Variants in KCNQ3 observed in about 807,000 individuals in gnomAD.
KCNQ3 encodes potassium voltage-gated channel subfamily Q member 3, also known as potassium voltage-gated channel subfamily KQT member 3.
KCNQ3 carries 30 observed loss-of-function variants against 92.5 expected under a neutral mutation model. The observed-to-expected ratio is 0.32, with a 90% CI of 0.24 to 0.44. The LOEUF is 0.44. Among genes scored for constraint, KCNQ3 ranks in the 20% least tolerant of loss-of-function variants. The pLI, the probability that KCNQ3 is intolerant of heterozygous loss-of-function variation, is 1.00. For synonymous variants in KCNQ3, 450 were observed against 468.8 expected, an observed-to-expected ratio of 0.96 and a Z score of 0.52; for missense variants, 913 against 1,140.3, an observed-to-expected ratio of 0.80 and a Z score of 2.87.
intron 1 of KCNQ3, among the ~76,000 whole-genome samples, chr8:132,304,747 G>A (rs6471059): frequency 0.77 from 117,363 of 151,640 alleles, 45,863 homozygotes; most frequent in East Asian, 0.89. Context: ...ACTTTTGGCT[G>A]TAAAAGTCAC....
chr8:132,270,890 T>A (rs1217010148), intron 1 of KCNQ3, among the ~76,000 whole-genome samples: 3 of 152,378 alleles, frequency 2.0e-5, no homozygotes, highest in African/African-American at 7.2e-5. Context: ...CAGGGATGTT[T>A]ACTTTAACAA....
intron 1 of KCNQ3, among the ~76,000 whole-genome samples, chr8:132,281,812 T>G (rs1195983515): frequency 6.6e-6 from 1 of 152,174 alleles, no homozygotes; most frequent in Non-Finnish European, 1.5e-5. Flanking sequence ...TTTCACTGCC[T>G]ACGGGGTGGA....
chr8:132,185,985 C>A (rs752275782), intron 2 of KCNQ3, 106 bp downstream of exon 2: 2 of 832,848 alleles, frequency 2.4e-6, no homozygotes, highest in Non-Finnish European at 4.2e-6. Flanking sequence ...TGACTGGAGA[C>A]TACAAGAAGC....
intron 1 of KCNQ3, among the ~76,000 whole-genome samples, chr8:132,362,258 T>C (rs1819193430): frequency 1.3e-5 from 2 of 152,214 alleles, no homozygotes; most frequent in South Asian, 4.1e-4. Flanking sequence ...GTAACCTTTC[T>C]ACATCTTAGT....
intron 1 of KCNQ3, among the ~76,000 whole-genome samples, chr8:132,187,753 G>GTGA (rs1441687969): frequency 6.7e-6 from 1 of 149,178 alleles, no homozygotes; most frequent in Non-Finnish European, 1.5e-5. Flanking sequence ...GGTGGTGGTG[G>GTGA]TAGTGATGAT....
chr8:132,284,157 C>A (rs1421543016), intron 1 of KCNQ3, among the ~76,000 whole-genome samples: 1 of 152,148 alleles, frequency 6.6e-6, no homozygotes, highest in East Asian at 1.9e-4. Context: ...ACATTGTGCA[C>A]ATGTGCCCTA....
chr8:132,213,815 G>A (rs1228921080), intron 1 of KCNQ3, among the ~76,000 whole-genome samples: 1 of 152,160 alleles, frequency 6.6e-6, no homozygotes, highest in Non-Finnish European at 1.5e-5. Flanking sequence ...GGCTCTAATG[G>A]GAACTGAGCA....
Position 132,480,287 on chromosome 8 carries a change from C to T in KCNQ3, c.246G>A (p.Pro82=). The change falls in exon 1 of 15, where the codon CCG becomes CCA. Residue 82 remains proline, a synonymous_variant. Transcript: ENST00000388996. ...GGRDEGQRRT[P]QGIGLLAKTP... is the part of the protein sequence containing the mutation. ...TCTTGGCCAGGAGCCCGATGCCCTGCGGGGTCCTCCGCTGCCCCTCGTCGC... is the reference window on the plus strand; with the variant it reads ...TCTTGGCCAGGAGCCCGATGCCCTGTGGGGTCCTCCGCTGCCCCTCGTCGC... 1 of 1,608,460 alleles carries T rather than the reference C, an allele frequency of 6.2e-7. No individual in the cohort carries two copies. The highest frequency in any genetic ancestry group is 8.5e-7 in the Non-Finnish European group (1 of 1,177,422).
At chr8:132,356,373 A>C (rs1819017761) in intron 1 of KCNQ3, among the ~76,000 whole-genome samples, 1 of 152,206 alleles carries the variant, frequency 6.6e-6, no homozygotes, top group Non-Finnish European at 1.5e-5. Context: ...TTTGATGCCC[A>C]CTACTCTACG....
intron 6 of KCNQ3, among the ~76,000 whole-genome samples, chr8:132,173,505 T>A (rs1826449965): frequency 6.6e-6 from 1 of 152,188 alleles, no homozygotes; most frequent in South Asian, 2.1e-4. Context: ...TTGGGATTCC[T>A]GGCTCTACAA....
chr8:132,409,514 C>G (rs755711324), intron 1 of KCNQ3, among the ~76,000 whole-genome samples: 1 of 152,058 alleles, frequency 6.6e-6, no homozygotes, highest in Non-Finnish European at 1.5e-5. Context: ...TTTCATGGTA[C>G]TCTGCTTAAC....
chr8:132,197,724 G>A (rs773321003), intron 1 of KCNQ3, among the ~76,000 whole-genome samples: 1 of 152,096 alleles, frequency 6.6e-6, no homozygotes, highest in Admixed American at 6.6e-5. Flanking sequence ...GGCATGCTAC[G>A]GACTGAAGTA....
At chr8:132,150,686 A>G (rs913559187) in intron 9 of KCNQ3, among the ~76,000 whole-genome samples, 3 of 152,074 alleles carry the variant, frequency 2.0e-5, no homozygotes, top group Non-Finnish European at 2.9e-5. Flanking sequence ...TTTAATGCAC[A>G]TATGAGAGGG....
chr8:132,249,471 G>A (rs1347436174), intron 1 of KCNQ3, among the ~76,000 whole-genome samples: 3 of 149,252 alleles, frequency 2.0e-5, no homozygotes, highest in Non-Finnish European at 4.4e-5. Context: ...GACACAGGGT[G>A]CTGATTGGTG....
In KCNQ3 at chr8:132,185,154, T is replaced by C. The variant is rs192382217; in HGVS notation, c.478-787A>G. Among the ~76,000 whole-genome samples, 3 of 152,210 alleles carry C rather than the reference T, an allele frequency of 2.0e-5. No individual in the cohort carries two copies. The East Asian group carries it at 5.8e-4, about 29-fold the overall frequency. On this transcript the variant is annotated intron_variant, in intron 2 of 14. Transcript: ENST00000388996. ...GTTTCCAGGGAGTTCCACACTGAGG[T>C]CTGAGCTCTGGGACGTGCTGTTGCA...
intron 1 of KCNQ3, among the ~76,000 whole-genome samples, chr8:132,372,906 C>T (rs1819513730): frequency 6.6e-6 from 1 of 152,140 alleles, no homozygotes; most frequent in African/African-American, 2.4e-5. Flanking sequence ...CAGAGCTCGG[C>T]TCCTGGGGGA....
intron 1 of KCNQ3, among the ~76,000 whole-genome samples, chr8:132,319,732 A>T (rs916584281): frequency 6.6e-6 from 1 of 152,198 alleles, no homozygotes; most frequent in Non-Finnish European, 1.5e-5. Flanking sequence ...TAATCCTTGG[A>T]TCACTGACGC....
Position 132,480,665 on chromosome 8 carries a change from T to G in KCNQ3, c.-133A>C, listed in dbSNP as rs1419807487. ...TCCAATGCCATGATCCGCGCGCCCC[T>G]CCCCACCCCCCCCCAAAAGCAGGCA... On this transcript the variant is annotated 5_prime_UTR_variant, in exon 1 of 15. Transcript: ENST00000388996. 7.4e-5 allele frequency: 55 copies of G among 744,026 alleles called. No homozygotes were observed. Among genetic ancestry groups the G allele is most frequent in the South Asian group, 8.9e-5 (2 of 22,538 alleles). The allele number at this position is 744,026 out of a possible 1,614,324, so 46.1% of individuals were successfully genotyped here.
intron 1 of KCNQ3, among the ~76,000 whole-genome samples, chr8:132,262,576 A>G (rs1815822773): frequency 6.6e-6 from 1 of 152,022 alleles, no homozygotes; most frequent in Admixed American, 6.6e-5. Flanking sequence ...TAGTTTGTAT[A>G]CAGGTAAAGA....
Sources: allele counts gnomAD v4.1 joint callset (sites outside exome capture counted in the v4.1 genomes callset), GRCh38; gene constraint gnomAD v4.1.1; transcripts MANE v1.5; gene names NCBI Gene and HGNC (gene_info 2026-07-23, HGNC 2026-07-21).